The following GPR176 variants were observed in gnomAD, a reference collection of about 807,000 sequenced individuals.
GPR176 encodes the protein G protein-coupled receptor 176, also known as G-protein coupled receptor 176.
A neutral mutation model predicts 35.4 loss-of-function variants in GPR176; 26 were observed. That is an observed-to-expected ratio of 0.74 (90% CI 0.54 to 1.02). GPR176 has a LOEUF of 1.02. Ranked by LOEUF, GPR176 falls within the 50% of genes least tolerant of loss-of-function variation. The probability of loss-of-function intolerance (pLI) is 0.00; values close to 1 mark genes in which losing one functional copy is unlikely to be tolerated. For synonymous variants in GPR176, 278 were observed against 271.3 expected (o/e 1.02, Z -0.24); for missense variants, 597 against 665.3 (o/e 0.90, Z 1.13).
chr15:39,888,568 A>T (rs1284426715), intron 1 of GPR176, among the ~76,000 whole-genome samples: 2 of 152,206 alleles, frequency 1.3e-5, no homozygotes, highest in Non-Finnish European at 2.9e-5. Context: ...TGCTGGGATT[A>T]CATGTTTGAG....
intron 1 of GPR176, among the ~76,000 whole-genome samples, chr15:39,827,988 C>A (rs1900795117): frequency 6.6e-6 from 1 of 152,152 alleles, no homozygotes; most frequent in Non-Finnish European, 1.5e-5. Flanking sequence ...AGGCTGTCAA[C>A]ATGGATTATC....
chr15:39,895,260 G>A (rs1251530448), intron 1 of GPR176, among the ~76,000 whole-genome samples: 1 of 120,016 alleles, frequency 8.3e-6, no homozygotes, highest in Non-Finnish European at 1.9e-5. Context: ...AGACCATGGG[G>A]AGAGGGAGAG....
chr15:39,863,617 TGTAGA>T (rs1029855192), intron 1 of GPR176, among the ~76,000 whole-genome samples: 3 of 152,192 alleles, frequency 2.0e-5, no homozygotes, highest in African/African-American at 7.2e-5. Flanking sequence ...TCTATAGTAG[TGTAGA>T]GTAATGTCCT....
chr15:39,847,082 A>G (rs921721754), intron 1 of GPR176, among the ~76,000 whole-genome samples: 2 of 152,186 alleles, frequency 1.3e-5, no homozygotes, highest in East Asian at 1.9e-4. Context: ...GCAGACTGTG[A>G]TAAGTTATAT....
Position 39,800,359 on chromosome 15 carries a change from G to A in GPR176, c.*773C>T, listed in dbSNP as rs1425213469. The A allele has an allele frequency of 6.6e-6, 1 of 152,186 alleles. No individual in the cohort carries two copies. Among genetic ancestry groups the A allele is most frequent in the Non-Finnish European group, 1.5e-5 (1 of 68,048 alleles). The allele number at this position is 152,186 out of a possible 1,614,324, so 9.4% of individuals were successfully genotyped here. A position where few individuals can be genotyped will look rare whatever the true frequency, so the allele number is the denominator to read the frequency against. ...ATTTGTTGAGAAAACACAATTTAAGGTGAAAGACAGAGCGAAGACTTTTCA... is the reference window on the plus strand; with the variant it reads ...ATTTGTTGAGAAAACACAATTTAAGATGAAAGACAGAGCGAAGACTTTTCA... On this transcript the variant is annotated 3_prime_UTR_variant, in exon 3 of 3. Coordinates refer to ENST00000561100, the MANE Select transcript of GPR176 (RefSeq NM_007223.3).
intron 1 of GPR176, among the ~76,000 whole-genome samples, chr15:39,867,314 A>G (rs1218394727): frequency 7.5e-6 from 1 of 132,530 alleles, no homozygotes; most frequent in Admixed American, 7.5e-5. Context: ...AGAAGGTGCA[A>G]TGGGACCACA....
intron 1 of GPR176, among the ~76,000 whole-genome samples, chr15:39,829,650 C>T (rs1400751877): frequency 1.6e-4 from 24 of 151,926 alleles, no homozygotes; most frequent in East Asian, 1.9e-4. Flanking sequence ...CCCACCTGAA[C>T]GCCTGGTTAT....
chr15:39,815,278 T>C (rs1005730251), intron 1 of GPR176: 1 of 152,226 alleles, frequency 6.6e-6, no homozygotes, highest in Non-Finnish European at 1.5e-5. Context: ...CTGGCCCCAG[T>C]TTCCAAATGG....
intron 1 of GPR176, among the ~76,000 whole-genome samples, chr15:39,821,149 C>T (rs541776525): frequency 7.9e-5 from 12 of 152,176 alleles, no homozygotes; most frequent in Admixed American, 3.9e-4. Flanking sequence ...ATTTGAATAA[C>T]ATTGAGTTAT....
rs1898883011 is a variant in GPR176, at chr15:39,801,760, C to T, written c.920G>A (p.Trp307Ter). Residue 307 changes from tryptophan (W) to a stop codon, truncating the protein, a stop_gained, in exon 3 of 3, where the codon TGG becomes TAG. Transcript: ENST00000561100. LOFTEE classifies it high-confidence loss of function. ...TSVFLLLTAVWLPKVSLLANP... is the reference protein window; with the variant it reads ...TSVFLLLTAV ...TGCCAGCAGGGAGACTTTGGGCAGC[C>T]AAACAGCAGTGAGCAGCAAGAAGAC... The T allele has an allele frequency of 1.2e-6, 2 of 1,613,902 alleles. No individual in the cohort carries two copies. Among genetic ancestry groups the T allele is most frequent in the Non-Finnish European group, 1.7e-6 (2 of 1,179,922 alleles).
In GPR176 at chr15:39,801,620, T is replaced by C. The variant is rs745775830; in HGVS notation, c.1060A>G (p.Met354Val). The C allele has an allele frequency of 3.1e-6, 5 of 1,614,044 alleles. No individual in the cohort carries two copies. The highest frequency in any genetic ancestry group is 1.3e-5 in the African/African-American group (1 of 75,036). The change falls in exon 3 of 3, where the codon ATG becomes GTG. Residue 354 changes from methionine to valine, a missense_variant. Met to Val is a conservative substitution (Grantham distance 21). Coordinates refer to ENST00000561100, the MANE Select transcript of GPR176 (RefSeq NM_007223.3). ...RRNVVSTGSGMAEASLEPSIR... is the reference protein window; with the variant it reads ...RRNVVSTGSGVAEASLEPSIR... ...CTGGGTTCCAGGCTGGCCTCAGCCA[T>C]GCCACTCCCTGTACTGACCACATTA...
intron 1 of GPR176, among the ~76,000 whole-genome samples, chr15:39,907,920 G>A (rs557867280): frequency 1.2e-4 from 19 of 152,242 alleles, no homozygotes; most frequent in African/African-American, 4.6e-4. Flanking sequence ...AGGAGGCGGA[G>A]GTTGCAGTGA....
chr15:39,906,476 T>A (rs574504539), intron 1 of GPR176, among the ~76,000 whole-genome samples: 1 of 152,308 alleles, frequency 6.6e-6, no homozygotes, highest in East Asian at 1.9e-4. Flanking sequence ...ATAGGAAGGG[T>A]CATGTCCCCA....
chr15:39,843,692 T>C (rs920064954), intron 1 of GPR176, among the ~76,000 whole-genome samples: 1 of 152,164 alleles, frequency 6.6e-6, no homozygotes, highest in African/African-American at 2.4e-5. Flanking sequence ...CTCTCTAGAA[T>C]AGATATTATT....
intron 1 of GPR176, among the ~76,000 whole-genome samples, chr15:39,825,252 G>C (rs1900558531): frequency 6.6e-6 from 1 of 152,062 alleles, no homozygotes; most frequent in South Asian, 2.1e-4. Context: ...AAAATTACCT[G>C]AAATCCCACC....
intron 1 of GPR176, among the ~76,000 whole-genome samples, chr15:39,892,138 A>G (rs1265132634): frequency 1.3e-5 from 2 of 152,244 alleles, no homozygotes; most frequent in Admixed American, 1.3e-4. Context: ...GAAGCACCCC[A>G]TCCTTAGGAA....
chr15:39,849,613 T>C (rs776093522), intron 1 of GPR176, among the ~76,000 whole-genome samples: 11 of 152,170 alleles, frequency 7.2e-5, no homozygotes, highest in Non-Finnish European at 1.3e-4. Context: ...AATCAATCAA[T>C]ATAATCTACT....
chr15:39,822,046 C>A (rs1324683317), intron 1 of GPR176, among the ~76,000 whole-genome samples: 2 of 152,186 alleles, frequency 1.3e-5, no homozygotes, highest in African/African-American at 4.8e-5. Flanking sequence ...CTTGAGGAAA[C>A]CCAAGCAGTC....
At chr15:39,817,068 CAAAAAAA>C (rs58812005) in intron 1 of GPR176, among the ~76,000 whole-genome samples, 1 of 77,294 alleles carries the variant, frequency 1.3e-5, no homozygotes, top group East Asian at 3.9e-4. Flanking sequence ...GATTCTGTCT[CAAAAAAA>C]AAAAAAAAGC....
Sources: allele counts gnomAD v4.1 joint callset (sites outside exome capture counted in the v4.1 genomes callset), GRCh38; gene constraint gnomAD v4.1.1; transcripts MANE v1.5; gene names NCBI Gene and HGNC (gene_info 2026-07-23, HGNC 2026-07-21).